The following ADGRL3 variants were observed in gnomAD, a reference collection of about 807,000 sequenced individuals.
ADGRL3 encodes calcium-independent alpha-latrotoxin receptor 3.
Under a neutral mutation model 153.5 loss-of-function variants are expected in ADGRL3, and 62 were observed. The observed-to-expected ratio is 0.40, with a 90% CI of 0.33 to 0.50. The LOEUF (loss-of-function observed/expected upper bound fraction) is 0.50, where lower values mean the gene tolerates loss of function less well. Ranked by LOEUF, ADGRL3 falls within the 20% of genes least tolerant of loss-of-function variation. The pLI is 0.47. For synonymous variants in ADGRL3, 710 were observed against 672.5 expected (o/e 1.06, Z -0.86); for missense variants, 1,641 against 1,859.4 (o/e 0.88, Z 2.16).
chr4:61,677,862 T>A (rs1234982176), intron 6 of ADGRL3, among the ~76,000 whole-genome samples: 1 of 151,976 alleles, frequency 6.6e-6, no homozygotes, highest in Non-Finnish European at 1.5e-5. Flanking sequence ...ACATTACTCA[T>A]GAGCTGGAAG....
chr4:61,379,076 A>C (rs2096637875), intron 1 of ADGRL3, among the ~76,000 whole-genome samples: 2 of 151,986 alleles, frequency 1.3e-5, no homozygotes, highest in South Asian at 4.1e-4. Context: ...ATAGAGATGA[A>C]AAAACAATCT....
chr4:61,260,926 A>G (rs1024623061), intron 1 of ADGRL3, among the ~76,000 whole-genome samples: 1 of 151,920 alleles, frequency 6.6e-6, no homozygotes, highest in African/African-American at 2.4e-5. Context: ...AGCTCCCACT[A>G]TATTGCCCAG....
intron 25 of ADGRL3, among the ~76,000 whole-genome samples, chr4:62,060,957 A>G (rs1160782840): frequency 6.6e-6 from 1 of 151,948 alleles, no homozygotes; most frequent in African/African-American, 2.4e-5. Flanking sequence ...AATTCTTTGC[A>G]GGAAATACAG....
At chr4:61,806,076 C>T (rs1278463516) in intron 8 of ADGRL3, among the ~76,000 whole-genome samples, 1 of 152,066 alleles carries the variant, frequency 6.6e-6, no homozygotes, top group Admixed American at 6.6e-5. Flanking sequence ...TGTGTTTTCA[C>T]CAGAAATACA....
chr4:61,691,140 T>C (rs1197941933), intron 6 of ADGRL3, among the ~76,000 whole-genome samples: 1 of 152,178 alleles, frequency 6.6e-6, no homozygotes, highest in Non-Finnish European at 1.5e-5. Flanking sequence ...CTCATCGATA[T>C]GGTCTGCATT....
intron 2 of ADGRL3, among the ~76,000 whole-genome samples, chr4:61,489,792 G>A (rs915543536): frequency 2.6e-5 from 4 of 151,966 alleles, no homozygotes; most frequent in Admixed American, 6.6e-5. Context: ...GCAACAAAAT[G>A]TTTGAATATT....
rs572964017 is a variant in ADGRL3 at position 61,921,870 on chromosome 4, T to C, written c.2112+9113T>C. On this transcript the variant is annotated intron_variant, in intron 13 of 26. Transcript: ENST00000683033. ...CTTGTGGCCGACCCACACAATAGGG[T>C]AGCATTCTGCCATGGAAAAGAGTAA... is the stretch of plus-strand genomic sequence containing the variant. Among the ~76,000 whole-genome samples the C allele has an allele frequency of 2.6e-5, 4 of 152,316 alleles. No homozygotes were observed. In the South Asian group the frequency reaches 8.3e-4, roughly 32 times the overall value.
chr4:61,901,940 T>G (rs2098666892), intron 11 of ADGRL3, among the ~76,000 whole-genome samples: 1 of 152,190 alleles, frequency 6.6e-6, no homozygotes, highest in African/African-American at 2.4e-5. Flanking sequence ...TAGTAGAATT[T>G]AGTAAAAGAA....
At chr4:61,454,998 T>A (rs1466982649) in intron 2 of ADGRL3, among the ~76,000 whole-genome samples, 1 of 152,154 alleles carries the variant, frequency 6.6e-6, no homozygotes, top group African/African-American at 2.4e-5. Context: ...TGGCCAGTAG[T>A]ACATTTTTCT....
At chr4:61,637,738 G>A (rs1052535946) in intron 5 of ADGRL3, among the ~76,000 whole-genome samples, 2 of 152,174 alleles carry the variant, frequency 1.3e-5, no homozygotes, top group Admixed American at 6.5e-5. Flanking sequence ...TCCAGCCTGG[G>A]TGACAGAGTG....
At chr4:61,718,258 C>A (rs1418954106) in intron 6 of ADGRL3, among the ~76,000 whole-genome samples, 1 of 151,838 alleles carries the variant, frequency 6.6e-6, no homozygotes, top group Non-Finnish European at 1.5e-5. Flanking sequence ...TTATTTTTTT[C>A]TTTAAATTTG....
intron 17 of ADGRL3, among the ~76,000 whole-genome samples, chr4:61,956,544 G>C (rs71338535): frequency 6.6e-6 from 1 of 152,056 alleles, no homozygotes; most frequent in African/African-American, 2.4e-5. Context: ...AGTTTAATTA[G>C]ATCTCATTTG....
intron 2 of ADGRL3, among the ~76,000 whole-genome samples, chr4:61,439,030 G>C (rs2152457136): frequency 6.6e-6 from 1 of 152,092 alleles, no homozygotes; most frequent in South Asian, 2.1e-4. Flanking sequence ...TACTCACTGG[G>C]TGGTAAGTTG....
chr4:61,229,663 A>G (rs1749694766), intron 1 of ADGRL3, among the ~76,000 whole-genome samples: 1 of 152,118 alleles, frequency 6.6e-6, no homozygotes, highest in African/African-American at 2.4e-5. Context: ...TATGACTATA[A>G]TTCCAGCAAT....
rs895173708 is a variant in ADGRL3 at position 61,403,872 on chromosome 4, C to T, written c.-174+20683C>T. Among the ~76,000 whole-genome samples the T allele has an allele frequency of 2.0e-5, 3 of 151,952 alleles. No individual in the cohort carries two copies. In the East Asian group the frequency reaches 5.8e-4, roughly 30 times the overall value. On this transcript the variant is annotated intron_variant, in intron 2 of 26. Coordinates refer to ENST00000683033, the MANE Select transcript of ADGRL3 (RefSeq NM_001387552.1). ...GAGAATTGGTTGGTGTGAGCAAAAT[C>T]CCCACACATTTGGTGACCAGAAGTA... is the stretch of plus-strand genomic sequence containing the variant.
chr4:61,820,683 T>A (rs913304644), intron 9 of ADGRL3, among the ~76,000 whole-genome samples: 4 of 152,214 alleles, frequency 2.6e-5, no homozygotes, highest in African/African-American at 9.6e-5. Context: ...ATCTACATGC[T>A]TTTGAGGCAT....
rs1581344437 is a variant in ADGRL3 at position 61,894,048 on chromosome 4, T to C, written c.1783+1090T>C. The stretch of plus-strand genomic sequence containing the variant: ...TTTATTACTGATATCATTCATAATA[T>C]CTTCACCTGTTAACCATATTATTAT... On this transcript the variant is annotated intron_variant, in intron 10 of 26. Transcript: ENST00000683033. Among the ~76,000 whole-genome samples the C allele has an allele frequency of 2.6e-5, 4 of 152,244 alleles. No homozygotes were observed. The South Asian group carries it at 8.3e-4, about 32-fold the overall frequency.
chr4:61,749,341 CCAGG>C (rs1353920583), intron 8 of ADGRL3, among the ~76,000 whole-genome samples: 23 of 152,014 alleles, frequency 1.5e-4, no homozygotes, highest in African/African-American at 5.6e-4. Flanking sequence ...ACCAATTGAC[CCAGG>C]CATCCCATTA....
At chr4:61,438,377 T>C (rs1195791692) in intron 2 of ADGRL3, among the ~76,000 whole-genome samples, 2 of 151,274 alleles carry the variant, frequency 1.3e-5, no homozygotes, top group Admixed American at 6.6e-5. Flanking sequence ...TTAATATTAT[T>C]ATACTTTAAA....
Sources: gnomAD v4.1 joint callset for allele counts (sites outside exome capture counted in the v4.1 genomes callset) on GRCh38, gnomAD v4.1.1 for gene constraint, MANE v1.5 for transcripts, NCBI Gene and HGNC (gene_info 2026-07-23, HGNC 2026-07-21) for gene names.